ANO3: variants seen among roughly 807,000 people sequenced by gnomAD.
The protein encoded by ANO3 is anoctamin 3.
A neutral mutation model predicts 144.8 loss-of-function variants in ANO3; 99 were observed. The observed-to-expected ratio is 0.68, with a 90% CI of 0.58 to 0.81. The LOEUF (loss-of-function observed/expected upper bound fraction) is 0.81, where lower values mean the gene tolerates loss of function less well. Among genes scored for constraint, ANO3 ranks in the 30% least tolerant of loss-of-function variants. The pLI is 0.00. For synonymous variants in ANO3, 414 were observed against 392.6 expected (o/e 1.05, Z -0.64); for missense variants, 905 against 1,202.2 (o/e 0.75, Z 3.66).
chr11:26,571,569 AT>A (rs1024896752), intron 14 of ANO3, among the ~76,000 whole-genome samples: 5 of 152,212 alleles, frequency 3.3e-5, no homozygotes, highest in Non-Finnish European at 7.4e-5. Context: ...TTATTAGAAG[AT>A]TTTTTCCAAA....
intron 1 of ANO3, among the ~76,000 whole-genome samples, chr11:26,373,459 C>T (rs1417808234): frequency 6.6e-6 from 1 of 152,136 alleles, no homozygotes; most frequent in African/African-American, 2.4e-5. Context: ...TTTTCTGATG[C>T]CTCCCCAGCC....
chr11:26,588,900 C>T (rs1263947169), intron 14 of ANO3, among the ~76,000 whole-genome samples: 1 of 152,296 alleles, frequency 6.6e-6, no homozygotes, highest in East Asian at 1.9e-4. Flanking sequence ...TTCTGGTCTG[C>T]TATTTGAAAG....
At chr11:26,572,259 G>A in intron 14 of ANO3, 8 of 985,070 alleles carry the variant, frequency 8.1e-6, no homozygotes, top group Non-Finnish European at 9.6e-6. Context: ...TCAGCTGTAA[G>A]CATTAAGATA....
chr11:26,530,895 A>G (rs531443955), intron 7 of ANO3, among the ~76,000 whole-genome samples: 43 of 151,942 alleles, frequency 2.8e-4, no homozygotes, highest in South Asian at 2.3e-3. Flanking sequence ...AAAAACAAAA[A>G]CAAAAAATCT....
intron 1 of ANO3, among the ~76,000 whole-genome samples, chr11:26,411,900 T>C (rs988320570): frequency 2.6e-5 from 4 of 151,972 alleles, no homozygotes; most frequent in Non-Finnish European, 4.4e-5. Flanking sequence ...ATATCTTCCA[T>C]TTTTCTTGTA....
chr11:26,634,108 A>G (rs1565155918), intron 18 of ANO3, 96 bp from the exon 19 acceptor site: 1 of 606,444 alleles, frequency 1.6e-6, no homozygotes, highest in Middle Eastern at 2.7e-4. Flanking sequence ...ATTAAATTAA[A>G]AAGACAAACT....
At chr11:26,262,236 C>T (rs12226827) in intron 1 of ANO3, among the ~76,000 whole-genome samples, 3,048 of 152,248 alleles carry the variant, frequency 0.02, 61 homozygotes, top group East Asian at 0.12. Context: ...GCTCTATTTT[C>T]TCGTACTTCT....
At chr11:26,440,806 G>A (rs1431530071) in intron 1 of ANO3, among the ~76,000 whole-genome samples, 5 of 152,150 alleles carry the variant, frequency 3.3e-5, no homozygotes, top group Admixed American at 6.5e-5. Context: ...TGAGTTCCCA[G>A]GGACATAGTG....
intron 17 of ANO3, among the ~76,000 whole-genome samples, chr11:26,608,633 C>T (rs1398088019): frequency 6.6e-6 from 1 of 152,054 alleles, no homozygotes; most frequent in Non-Finnish European, 1.5e-5. Context: ...GTCCCTGAGC[C>T]CCTGGCTGGA....
intron 1 of ANO3, among the ~76,000 whole-genome samples, chr11:26,194,408 T>C (rs1241820822): frequency 6.6e-6 from 1 of 151,128 alleles, no homozygotes; most frequent in Non-Finnish European, 1.5e-5. Flanking sequence ...TTTCTAATTT[T>C]CAAAATTTTT....
At chr11:26,480,261 T>C (rs926212945) in intron 4 of ANO3, among the ~76,000 whole-genome samples, 1 of 152,180 alleles carries the variant, frequency 6.6e-6, no homozygotes, top group African/African-American at 2.4e-5. Flanking sequence ...GAGCCTCTGC[T>C]GGGGGTGCTA....
At chr11:26,480,363 G>A (rs576100993) in intron 4 of ANO3, among the ~76,000 whole-genome samples, 4 of 152,076 alleles carry the variant, frequency 2.6e-5, no homozygotes, top group South Asian at 2.1e-4. Context: ...AAACCTTTCA[G>A]TTTATGTTAT....
chr11:26,528,377 C>T (rs138413647), intron 7 of ANO3, among the ~76,000 whole-genome samples: 6 of 152,250 alleles, frequency 3.9e-5, no homozygotes, highest in African/African-American at 1.2e-4. Flanking sequence ...CCATTTACCC[C>T]TTCCTTCACA....
intron 1 of ANO3, among the ~76,000 whole-genome samples, chr11:26,240,811 C>A (rs773786880): frequency 6.6e-6 from 1 of 152,142 alleles, no homozygotes; most frequent in Non-Finnish European, 1.5e-5. Context: ...TATCTTATTA[C>A]ACTTGAATAT....
chr11:26,444,845 T>G (rs1404534233), intron 3 of ANO3, among the ~76,000 whole-genome samples: 1 of 152,176 alleles, frequency 6.6e-6, no homozygotes, highest in African/African-American at 2.4e-5. Flanking sequence ...TTGTTTTATG[T>G]GTGGCACAGA....
rs574931497 is a variant in ANO3 at position 26,338,134 on chromosome 11, A to G, written c.46+5813A>G. ...GATAATTAAAAAAAAAAAAAACAGC[A>G]AAAACAACAGTAGAAGCTAATATTG... is the stretch of plus-strand genomic sequence containing the variant. On this transcript the variant is annotated intron_variant, in intron 1 of 26. Coordinates refer to ENST00000256737, the MANE Select transcript of ANO3 (RefSeq NM_031418.4). Among the ~76,000 whole-genome samples the G allele has an allele frequency of 3.3e-5, 5 of 152,076 alleles. No homozygotes were observed. In the East Asian group the frequency reaches 9.7e-4, roughly 29 times the overall value.
chr11:26,456,634 A>C lies in ANO3; in HGVS notation c.314-6396A>C, dbSNP rs867863040. 1.4e-3 allele frequency among the ~76,000 whole-genome samples: 158 copies of C among 109,520 alleles called. 16 individuals are homozygous for C. The highest frequency in any genetic ancestry group is 5.9e-3 in the African/African-American group (149 of 25,044). 71.8% of individuals were successfully genotyped at this position (109,520 alleles called of 152,430 possible). On this transcript the variant is annotated intron_variant, in intron 3 of 26. Transcript: ENST00000256737. ...ACTTTTACACTGTTGGTGGGACTGTAAACTAGTTCAACCATTGTGGAAGTC... is the reference window on the plus strand; with the variant it reads ...ACTTTTACACTGTTGGTGGGACTGTCAACTAGTTCAACCATTGTGGAAGTC...
At chr11:26,370,856 A>C (rs1385925204) in intron 1 of ANO3, among the ~76,000 whole-genome samples, 1 of 152,194 alleles carries the variant, frequency 6.6e-6, no homozygotes, top group African/African-American at 2.4e-5. Flanking sequence ...GATGTCTGGA[A>C]GAGAAATTTC....
At chr11:26,418,765 T>TTA (rs1053952522) in intron 1 of ANO3, among the ~76,000 whole-genome samples, 1 of 151,926 alleles carries the variant, frequency 6.6e-6, no homozygotes, top group African/African-American at 2.4e-5. Context: ...TCCTTCAAGC[T>TTA]TATATATAAA....
Sources: allele counts gnomAD v4.1 joint callset (sites outside exome capture counted in the v4.1 genomes callset), GRCh38; gene constraint gnomAD v4.1.1; transcripts MANE v1.5; gene names NCBI Gene and HGNC (gene_info 2026-07-23, HGNC 2026-07-21).